Variants in ZNF227 observed in about 807,000 individuals in gnomAD.
ZNF227 encodes the protein zinc finger protein 227.
In ZNF227, 12 loss-of-function variants were observed where a neutral mutation model predicts 13.2. The ratio of observed to expected loss-of-function variants is 0.91; its 90% CI spans 0.58 to 1.47. ZNF227 has a LOEUF of 1.47. Among genes scored for constraint, ZNF227 ranks in the 40% most tolerant of loss-of-function variants. The pLI, the probability that ZNF227 is intolerant of heterozygous loss-of-function variation, is 0.00. For missense variants in ZNF227, 885 were observed against 967.5 expected (o/e 0.91, Z 1.13); for synonymous variants, 338 against 326.0 (o/e 1.04, Z -0.40).
intron 3 of ZNF227, among the ~76,000 whole-genome samples, chr19:44,219,504 AAAG>A (rs1434731169): frequency 4.6e-5 from 7 of 152,028 alleles, no homozygotes; most frequent in African/African-American, 1.7e-4. Flanking sequence ...GTCATAAAGA[AAAG>A]AAATTTATGA....
rs1294915857 is a variant in ZNF227, at chr19:44,235,791, A to G, written c.1361A>G (p.His454Arg). 1 of 1,613,832 alleles carries G rather than the reference A, an allele frequency of 6.2e-7. No individual in the cohort carries two copies. ...GFSHNSPLIC[H>R]RRVHTGEKPY... ...AGCCACAATTCACCATTAATATGCC[A>G]TCGGAGAGTCCACACAGGAGAGAAG... is the stretch of plus-strand genomic sequence containing the variant. Residue 454 changes from histidine (H) to arginine (R), a missense_variant, in exon 6 of 6, where the codon CAT becomes CGT. Physicochemically the swap from His to Arg is conservative, Grantham distance 29. Transcript: ENST00000313040.
In ZNF227 at chr19:44,235,749, T is replaced by A; in HGVS notation, c.1319T>A (p.Val440Glu). The A allele has an allele frequency of 6.2e-7, 1 of 1,613,400 alleles. No homozygotes were observed. The highest frequency in any genetic ancestry group is 8.5e-7 in the Non-Finnish European group (1 of 1,179,854). Residue 440 changes from valine (V) to glutamate (E), a missense_variant, in exon 6 of 6, where the codon GTG (valine) becomes GAG (glutamate). By Grantham distance (121) the Val-to-Glu change is moderately radical. Coordinates refer to ENST00000313040, the MANE Select transcript of ZNF227 (RefSeq NM_182490.3). Reference protein sequence around the residue: ...HTGEKPYKCDVCGKGFSHNSP... With the variant: ...HTGEKPYKCDECGKGFSHNSP... ...GGAGAGAAACCCTACAAGTGTGATG[T>A]GTGTGGTAAGGGCTTCAGCCACAAT...
intron 2 of ZNF227, among the ~76,000 whole-genome samples, chr19:44,215,758 C>T (rs971430707): frequency 8.6e-5 from 13 of 151,952 alleles, no homozygotes; most frequent in Non-Finnish European, 1.5e-4. Flanking sequence ...GAGGCCTAGG[C>T]GGGTGGATCA....
At chr19:44,226,910 A>G (rs936726566) in intron 3 of ZNF227, among the ~76,000 whole-genome samples, 1 of 152,212 alleles carries the variant, frequency 6.6e-6, no homozygotes, top group Non-Finnish European at 1.5e-5. Flanking sequence ...CTATTCAGCC[A>G]TCTTGGCTCC....
chr19:44,226,032 C>T (rs1018114722), intron 3 of ZNF227, among the ~76,000 whole-genome samples: 10 of 152,212 alleles, frequency 6.6e-5, no homozygotes, highest in Non-Finnish European at 1.5e-4. Flanking sequence ...AGGTCCACTC[C>T]AGACCCTTTT....
At position 44,228,582 on chromosome 19, in the gene ZNF227, G is replaced by A. The variant is rs757446796; in HGVS notation, c.187+10G>A. 2 of 1,605,184 alleles carry A rather than the reference G, an allele frequency of 1.2e-6. No homozygotes were observed. The highest frequency in any genetic ancestry group is 2.2e-5 in the South Asian group (2 of 90,174). On this transcript the variant is annotated intron_variant, in intron 4 of 5. Transcript: ENST00000313040. ...AACCTGGTTGCAGTGGGTGAGGACA[G>A]GCACTCTCTGACCCTGAACTTCAGT... is the stretch of plus-strand genomic sequence containing the variant.
intron 3 of ZNF227, 54 bp downstream of exon 3, chr19:44,217,906 A>G: frequency 6.3e-7 from 1 of 1,593,224 alleles, no homozygotes; most frequent in Non-Finnish European, 8.6e-7. Context: ...TCTCAAAGAT[A>G]ACAGATTTAT....
intron 3 of ZNF227, among the ~76,000 whole-genome samples, chr19:44,225,282 T>G (rs2122791710): frequency 6.6e-6 from 1 of 152,102 alleles, no homozygotes; most frequent in Admixed American, 6.5e-5. Flanking sequence ...CTTTGTGGCG[T>G]TCTCTGTATT....
At chr19:44,213,934 A>C (rs1460635192) in intron 2 of ZNF227, among the ~76,000 whole-genome samples, 2 of 152,246 alleles carry the variant, frequency 1.3e-5, no homozygotes, top group Non-Finnish European at 2.9e-5. Context: ...AGTAGCTATA[A>C]GCCATGTGTG....
chr19:44,236,609 C>T lies in ZNF227; in HGVS notation c.2179C>T (p.Leu727Phe), dbSNP rs1305554994. Residue 727 changes from leucine (L) to phenylalanine (F), a missense_variant, in exon 6 of 6, where the codon CTC (leucine) becomes TTC (phenylalanine). Physicochemically the swap from Leu to Phe is conservative, Grantham distance 22 (BLOSUM62 0). Transcript: ENST00000313040. ...TGAGGAGTGTGGTAAGGCCTTCAGT[C>T]TCCCCTCAAATCTTCGAGTCCACCT... ...ICEECGKAFS[L>F]PSNLRVHLGV... The T allele has an allele frequency of 6.2e-7, 1 of 1,613,946 alleles. No individual in the cohort carries two copies. The highest frequency in any genetic ancestry group is 8.5e-7 in the Non-Finnish European group (1 of 1,180,020).
At chr19:44,229,463 T>C (rs1297944942) in intron 4 of ZNF227, among the ~76,000 whole-genome samples, 1 of 151,986 alleles carries the variant, frequency 6.6e-6, no homozygotes, top group East Asian at 1.9e-4. Context: ...AATGCAAAAA[T>C]TAGCCGGGTG....
Position 44,219,440 on chromosome 19 carries a change from A to G in ZNF227, c.60+1588A>G, listed in dbSNP as rs528784005. 2.0e-5 allele frequency among the ~76,000 whole-genome samples: 3 copies of G among 152,350 alleles called. No individual in the cohort carries two copies. The South Asian group carries it at 6.2e-4, about 32-fold the overall frequency. ...AATAGCTTAAATTCCTGTTAAGATT[A>G]GTAATATAGAGAAAATTCCAACTGG... On this transcript the variant is annotated intron_variant, in intron 3 of 5. Coordinates refer to ENST00000313040, the MANE Select transcript of ZNF227 (RefSeq NM_182490.3).
chr19:44,230,179 C>T (rs915790499), intron 5 of ZNF227, among the ~76,000 whole-genome samples: 3 of 152,052 alleles, frequency 2.0e-5, no homozygotes, highest in African/African-American at 7.2e-5. Context: ...TGATACCTGG[C>T]TAATTTTTTA....
At chr19:44,233,219 A>G (rs949266704) in intron 5 of ZNF227, among the ~76,000 whole-genome samples, 3 of 152,286 alleles carry the variant, frequency 2.0e-5, no homozygotes, top group African/African-American at 7.2e-5. Flanking sequence ...GTTTCTAACC[A>G]TGACCCTCAA....
At chr19:44,227,044 T>G (rs1349200233) in intron 3 of ZNF227, 1 of 152,192 alleles carries the variant, frequency 6.6e-6, no homozygotes, top group African/African-American at 2.4e-5. Context: ...AATTGTACAT[T>G]ATTTGGATTG....
In ZNF227 at chr19:44,226,521, C is replaced by T. The variant is rs1973184310; in HGVS notation, c.61-1925C>T. ...CCTCGCTGCCTCCTTGCAGTTTGAT[C>T]TCAGACTGCTGTGCTAGCAATCAGC... On this transcript the variant is annotated intron_variant, in intron 3 of 5. Coordinates refer to ENST00000313040, the MANE Select transcript of ZNF227 (RefSeq NM_182490.3). Among the ~76,000 whole-genome samples the T allele has an allele frequency of 1.3e-5, 2 of 152,224 alleles. 1 individual carries two copies. The highest frequency in any genetic ancestry group is 4.1e-4 in the South Asian group (2 of 4,828).
chr19:44,207,558 A>G (rs375499604), upstream of ZNF227: 3 of 152,160 alleles, frequency 2.0e-5, no homozygotes, highest in South Asian at 2.1e-4. Context: ...GTTGCTGGGA[A>G]GTTTTTTCGC....
At chr19:44,227,319 C>T (rs1026027238) in intron 3 of ZNF227, 3 of 152,216 alleles carry the variant, frequency 2.0e-5, no homozygotes, top group African/African-American at 7.2e-5. Context: ...CATCTTGGCT[C>T]ACTGCAACCT....
At chr19:44,230,982 G>A (rs1973774664) in intron 5 of ZNF227, among the ~76,000 whole-genome samples, 1 of 140,354 alleles carries the variant, frequency 7.1e-6, no homozygotes, top group Non-Finnish European at 1.5e-5. Context: ...GCATACATCT[G>A]TAGTCCCAGC....
Sources: gnomAD v4.1 joint callset for allele counts (sites outside exome capture counted in the v4.1 genomes callset) on GRCh38, gnomAD v4.1.1 for gene constraint, MANE v1.5 for transcripts, NCBI Gene and HGNC (gene_info 2026-07-23, HGNC 2026-07-21) for gene names.